KIAA1755: variants seen among roughly 807,000 people sequenced by gnomAD.
The protein encoded by KIAA1755 is KIAA1755.
KIAA1755 carries 68 observed loss-of-function variants against 91.7 expected under a neutral mutation model. The observed-to-expected ratio is 0.74, with a 90% confidence interval of 0.61 to 0.91. KIAA1755 has a LOEUF of 0.91. Among genes scored for constraint, KIAA1755 ranks in the 40% least tolerant of loss-of-function variants. KIAA1755 has a pLI of 0.00. For synonymous variants in KIAA1755, 610 were observed against 604.6 expected (o/e 1.01, Z -0.13); for missense variants, 1,535 against 1,494.4 (o/e 1.03, Z -0.45).
At chr20:38,215,755 C>T (rs1054964818) in intron 13 of KIAA1755, among the ~76,000 whole-genome samples, 5 of 152,152 alleles carry the variant, frequency 3.3e-5, no homozygotes, top group African/African-American at 1.2e-4. Flanking sequence ...AATCAGTGGG[C>T]AAGGCAAAGA....
rs137965181 is a variant in KIAA1755, at chr20:38,213,445, C to T, written c.3200G>A (p.Arg1067His). The change falls in exon 14 of 14, where the codon CGC (arginine) becomes CAC (histidine). Residue 1067 changes from arginine to histidine, a missense_variant. Transcript: ENST00000279024. ...GGCTGCCACCCCTCTTCGTTCTGGG[C>T]GCGCTGAGTGAGCAGCTGGAGCCTC... is the stretch of plus-strand genomic sequence containing the variant. ...CPEAPAAHSARPERRGVAAKG... is the reference protein window; with the variant it reads ...CPEAPAAHSAHPERRGVAAKG... 1,178 of 1,601,954 alleles carry T rather than the reference C, an allele frequency of 7.4e-4. 8 individuals are homozygous for T. The highest frequency in any genetic ancestry group is 4.7e-4 in the East Asian group (21 of 44,454).
Position 38,223,691 on chromosome 20 carries a change from C to A in KIAA1755, c.2170-55G>T. The A allele has an allele frequency of 3.0e-6, 4 of 1,345,944 alleles. No homozygotes were observed. In the South Asian group the frequency reaches 3.8e-5, roughly 13 times the overall value. The allele number at this position is 1,345,944 out of a possible 1,614,324, so 83.4% of individuals were successfully genotyped here. ...TCAGCCCAGGCCAACCAGGAGGATG[C>A]CTCTTGCATCTCAGGAGCACAGAGG... On this transcript the variant is annotated intron_variant, in intron 8 of 13. Coordinates refer to ENST00000279024, the MANE Select transcript of KIAA1755 (RefSeq NM_001029864.2).
At position 38,213,024 on chromosome 20, in the gene KIAA1755, A is replaced by T; in HGVS notation, c.*18T>A. On this transcript the variant is annotated 3_prime_UTR_variant, in exon 14 of 14. Transcript: ENST00000279024. ...CCCAGTGCTCCTGGAGGCTGGTGCG[A>T]CTGAAGGGGCCTCTCAGCTAGAGGG... The T allele has an allele frequency of 6.6e-7, 1 of 1,521,194 alleles. No homozygotes were observed. Among genetic ancestry groups the T allele is most frequent in the African/African-American group, 1.4e-5 (1 of 72,034 alleles). The allele number at this position is 1,521,194 out of a possible 1,614,324, so 94.2% of individuals were successfully genotyped here.
At chr20:38,228,645 G>A (rs1041234984) in intron 5 of KIAA1755, among the ~76,000 whole-genome samples, 4 of 152,196 alleles carry the variant, frequency 2.6e-5, no homozygotes, top group African/African-American at 9.6e-5. Flanking sequence ...GAGGCCAACA[G>A]TAGTGACGTA....
intron 1 of KIAA1755, among the ~76,000 whole-genome samples, chr20:38,252,601 C>G (rs1167132219): frequency 6.6e-6 from 1 of 152,160 alleles, no homozygotes; most frequent in Non-Finnish European, 1.5e-5. Flanking sequence ...TGGGGACCAC[C>G]AGCTGTGGGG....
Position 38,260,590 on chromosome 20 carries a change from C to T in KIAA1755, c.-90G>A. 1 of 1,448,428 alleles carries T rather than the reference C, an allele frequency of 6.9e-7. No individual in the cohort carries two copies. The highest frequency in any genetic ancestry group is 9.1e-7 in the Non-Finnish European group (1 of 1,100,228). 89.7% of individuals were successfully genotyped at this position (1,448,428 alleles called of 1,614,324 possible). A position where few individuals can be genotyped will look rare whatever the true frequency, so the allele number is the denominator to read the frequency against. On this transcript the variant is annotated 5_prime_UTR_variant, in exon 1 of 14. Transcript: ENST00000279024. ...GGGTCCGTCTGTCTGGGGCAGCCCTCGGTCCCGCCTAGCCCTGGAGCCAGG... is the reference window on the plus strand; with the variant it reads ...GGGTCCGTCTGTCTGGGGCAGCCCTTGGTCCCGCCTAGCCCTGGAGCCAGG...
Position 38,213,633 on chromosome 20 carries a change from T to A in KIAA1755, c.3012A>T (p.Arg1004=), listed in dbSNP as rs1406681309. The change falls in exon 14 of 14, where the codon CGA becomes CGT. Residue 1004 remains arginine (R), a synonymous_variant. Transcript: ENST00000279024. Reference sequence around the variant, plus strand: ...TCTCAGCAGGGAACTCAGATGCCAGTCGCTGCAGGTAGCGGTGGAGGCGGC... The same window carrying A: ...TCTCAGCAGGGAACTCAGATGCCAGACGCTGCAGGTAGCGGTGGAGGCGGC... ...DQRRLHRYLQ[R]LASEFPAEKL... is the part of the protein sequence containing the mutation. The A allele has an allele frequency of 6.2e-7, 1 of 1,611,132 alleles. No individual in the cohort carries two copies.
rs1252328634 is a variant in KIAA1755, at chr20:38,240,662, G to A, written c.1469C>T (p.Ser490Leu). 3.9e-6 allele frequency: 6 copies of A among 1,540,412 alleles called. No individual in the cohort carries two copies. The highest frequency in any genetic ancestry group is 2.8e-5 in the African/African-American group (2 of 72,420). ...TTTCCAGGGCCCATTGTGCTGGAGT[G>A]AGGCTTTCTCCGGGGTCACAGAGGG... Reference protein sequence around the residue: ...RQPSVTPEKASLQHNGPWKVL... With the variant: ...RQPSVTPEKALLQHNGPWKVL... The change falls in exon 3 of 14, where the codon TCA becomes TTA. Residue 490 changes from serine (S) to leucine (L), a missense_variant. By Grantham distance (145) the Ser-to-Leu change is moderately radical (BLOSUM62 -2). Transcript: ENST00000279024.
At chr20:38,227,401 C>A (rs985142158) in intron 6 of KIAA1755, among the ~76,000 whole-genome samples, 161 bp from the exon 7 acceptor site, 1 of 152,220 alleles carries the variant, frequency 6.6e-6, no homozygotes, top group Non-Finnish European at 1.5e-5. Flanking sequence ...ACGTTTGGAC[C>A]GTGAATCATT....
chr20:38,231,079 G>T, intron 5 of KIAA1755, 123 bp downstream of exon 5: 1 of 1,077,858 alleles, frequency 9.3e-7, no homozygotes, highest in Non-Finnish European at 1.3e-6. Flanking sequence ...TCTGGGGACT[G>T]GCTCTGTGAA....
rs554195759 is a variant in KIAA1755, at chr20:38,240,736, C to T, written c.1395G>A (p.Glu465=). The T allele has an allele frequency of 3.2e-6, 5 of 1,575,648 alleles. No individual in the cohort carries two copies. The East Asian group carries it at 1.1e-4, about 35-fold the overall frequency. The change falls in exon 3 of 14, where the codon GAG becomes GAA. Residue 465 remains glutamate, a synonymous_variant. Transcript: ENST00000279024. Reference sequence around the variant, plus strand: ...AGAATTTGAGCCCAGGAGTGGGGGGCTCAGGGGAGGAGGTGTTTCTGCTAG... The same window carrying T: ...AGAATTTGAGCCCAGGAGTGGGGGGTTCAGGGGAGGAGGTGTTTCTGCTAG... ...PCPSRNTSSP[E]PPTPGLKFSF...
At chr20:38,239,828 C>T (rs1356093583) in intron 3 of KIAA1755, 103 bp from the exon 4 acceptor site, 1 of 1,049,650 alleles carries the variant, frequency 9.5e-7, no homozygotes, top group African/African-American at 1.6e-5. Flanking sequence ...TAGCTTACAA[C>T]TATTGATCTC....
intron 3 of KIAA1755, 87 bp from the exon 4 acceptor site, chr20:38,239,812 T>A: frequency 1.7e-6 from 2 of 1,182,152 alleles, no homozygotes; most frequent in Non-Finnish European, 2.5e-6. Flanking sequence ...TCTTTCTGAC[T>A]AATAATAGCT....
Position 38,222,497 on chromosome 20 carries a change from G to T in KIAA1755, c.2369C>A (p.Ala790Asp), listed in dbSNP as rs1478648311. ...GLQREGGATL[A>D]RLQHDASRLD... Reference sequence around the variant, plus strand: ...CCTGCTGGCATCATGCTGCAGCCTGGCCAGGGTGGCTCCACCTTCCCGCTG... The same window carrying T: ...CCTGCTGGCATCATGCTGCAGCCTGTCCAGGGTGGCTCCACCTTCCCGCTG... Residue 790 changes from alanine to aspartate, a missense_variant, in exon 10 of 14, where the codon GCC becomes GAC. By Grantham distance (126) the Ala-to-Asp change is moderately radical. Transcript: ENST00000279024. The T allele has an allele frequency of 2.5e-6, 4 of 1,613,632 alleles. No individual in the cohort carries two copies. Among genetic ancestry groups the T allele is most frequent in the Non-Finnish European group, 2.5e-6 (3 of 1,180,014 alleles).
chr20:38,252,630 C>T lies in KIAA1755; in HGVS notation c.4-6504G>A, dbSNP rs148931520. 6.5e-3 allele frequency among the ~76,000 whole-genome samples: 988 copies of T among 152,272 alleles called. 15 individuals are homozygous for T. Among genetic ancestry groups the T allele is most frequent in the South Asian group, 0.032 (156 of 4,816 alleles). On this transcript the variant is annotated intron_variant, in intron 1 of 13. Coordinates refer to ENST00000279024, the MANE Select transcript of KIAA1755 (RefSeq NM_001029864.2). ...TGTGGGGACTGACGATCCCAGCTGC[C>T]TGTCCTTCCCAGTTTCTAGTAGAGC...
intron 7 of KIAA1755, 21 bp downstream of exon 7, chr20:38,227,133 C>T (rs760456813): frequency 5.6e-6 from 9 of 1,602,992 alleles, no homozygotes; most frequent in Non-Finnish European, 6.0e-6. Context: ...TCCTCAACCG[C>T]CGACCCTGAG....
Position 38,213,449 on chromosome 20 carries a change from CTGAG to C in KIAA1755, c.3192_3195del (p.His1064GlnfsTer16). ...GCCACCCCTCTTCGTTCTGGGCGCG[CTGAG>C]TGAGCAGCTGGAGCCTCTGGGCAAG... On this transcript the variant is annotated frameshift_variant, in exon 14 of 14. Transcript: ENST00000279024. LOFTEE classifies it low-confidence loss of function (END_TRUNC). 6.2e-7 allele frequency: 1 copy of C among 1,603,682 alleles called. No homozygotes were observed. Among genetic ancestry groups the C allele is most frequent in the Non-Finnish European group, 8.5e-7 (1 of 1,175,116 alleles).
chr20:38,225,256 C>T (rs1001367580), intron 8 of KIAA1755, among the ~76,000 whole-genome samples: 7 of 152,200 alleles, frequency 4.6e-5, no homozygotes, highest in Admixed American at 6.5e-5. Flanking sequence ...CCCATCTCGG[C>T]CTCCCAAAGT....
Position 38,213,076 on chromosome 20 carries a change from T to C in KIAA1755, c.3569A>G (p.Asp1190Gly). ...EGTDSQTSLE[D>G]SPQTSPLASL ...GGCAAGGGGACTTGTCTGGGGTGAG[T>C]CCTCAAGGGATGTCTGTGAGTCTGT... The change falls in exon 14 of 14, where the codon GAC becomes GGC. Residue 1190 changes from aspartate to glycine, a missense_variant. Coordinates refer to ENST00000279024, the MANE Select transcript of KIAA1755 (RefSeq NM_001029864.2). 2 of 1,568,970 alleles carry C rather than the reference T, an allele frequency of 1.3e-6. No homozygotes were observed. Among genetic ancestry groups the C allele is most frequent in the Non-Finnish European group, 1.7e-6 (2 of 1,155,214 alleles).
Sources: allele counts gnomAD v4.1 joint callset (sites outside exome capture counted in the v4.1 genomes callset), GRCh38; gene constraint gnomAD v4.1.1; transcripts MANE v1.5; gene names NCBI Gene and HGNC (gene_info 2026-07-23, HGNC 2026-07-21).